The following DRC11 variants were observed in gnomAD, a reference collection of about 807,000 sequenced individuals.
DRC11 encodes the protein dynein regulatory complex subunit 11.
the DRC11 span, among the ~76,000 whole-genome samples, chr2:236,396,521 G>A: frequency 3.3e-5 from 5 of 152,068 alleles, no homozygotes; most frequent in African/African-American, 1.2e-4. Context: ...AGTCTTAATG[G>A]AAACAGATAT....
At chr2:236,441,005 T>C in the DRC11 span, 1 of 1,216,594 alleles carries the variant, frequency 8.2e-7, no homozygotes, top group South Asian at 1.3e-5. Context: ...TGTCATTTGA[T>C]ATATTTACAT....
chr2:236,331,567 C>T, the DRC11 span: 1 of 1,613,800 alleles, frequency 6.2e-7, no homozygotes. This position sits in a 1 kb window ranked among gnomAD's most constrained non-coding sequence, Gnocchi z 4.8. Flanking sequence ...GAGGACTCCT[C>T]CATTGCGTTC....
the DRC11 span, chr2:236,507,216 G>A: frequency 6.2e-7 from 1 of 1,610,726 alleles, no homozygotes; most frequent in Non-Finnish European, 8.5e-7. Context: ...CTGGCTTGGG[G>A]AAGCCCACTC....
At chr2:236,394,031 T>C in the DRC11 span, among the ~76,000 whole-genome samples, 6 of 151,976 alleles carry the variant, frequency 3.9e-5, no homozygotes, top group Non-Finnish European at 7.4e-5. This position sits in a 1 kb window ranked among gnomAD's most constrained non-coding sequence, Gnocchi z 7.0. Flanking sequence ...AATATTTATA[T>C]ATAAATAAAT....
chr2:236,396,261 G>A, the DRC11 span, among the ~76,000 whole-genome samples: 1 of 124,348 alleles, frequency 8.0e-6, no homozygotes, highest in Non-Finnish European at 1.6e-5. Flanking sequence ...GAAAAGCGAG[G>A]CCAAGGCAGT....
At chr2:236,444,492 C>G in the DRC11 span, among the ~76,000 whole-genome samples, 1 of 152,202 alleles carries the variant, frequency 6.6e-6, no homozygotes, top group Non-Finnish European at 1.5e-5. Flanking sequence ...TTGAAGGCCC[C>G]CAGGGGTCCT....
the DRC11 span, among the ~76,000 whole-genome samples, chr2:236,469,129 T>C: frequency 2.2e-4 from 33 of 152,242 alleles, no homozygotes; most frequent in Admixed American, 5.9e-4. This position sits in a 1 kb window ranked among gnomAD's most constrained non-coding sequence, Gnocchi z 5.8. Flanking sequence ...GATAGCCCCT[T>C]GGCATGGTTC....
the DRC11 span, among the ~76,000 whole-genome samples, chr2:236,349,220 A>G: frequency 6.6e-6 from 1 of 151,974 alleles, no homozygotes; most frequent in East Asian, 1.9e-4. The surrounding 1 kb of genome is among the most constrained non-coding windows in gnomAD (Gnocchi z 5.5). Context: ...CTGCCAAGGG[A>G]TGGAGCTGAA....
chr2:236,453,334 T>C, the DRC11 span, among the ~76,000 whole-genome samples: 3,130 of 152,342 alleles, frequency 0.021, 105 homozygotes, highest in African/African-American at 0.07. The surrounding 1 kb of genome is among the most constrained non-coding windows in gnomAD (Gnocchi z 4.9). Flanking sequence ...TCTGAAGATC[T>C]CCCAGCCTTA....
chr2:236,388,954 G>A, the DRC11 span, among the ~76,000 whole-genome samples: 1 of 152,170 alleles, frequency 6.6e-6, no homozygotes, highest in Non-Finnish European at 1.5e-5. Context: ...GCTGGGGGGT[G>A]CCTCCCAGTT....
chr2:236,499,703 T>G, the DRC11 span, among the ~76,000 whole-genome samples: 4 of 152,184 alleles, frequency 2.6e-5, no homozygotes, highest in Non-Finnish European at 4.4e-5. The surrounding 1 kb of genome is among the most constrained non-coding windows in gnomAD (Gnocchi z 4.7). Flanking sequence ...GTGTTGGGAT[T>G]ACAGACGTGA....
At chr2:236,442,884 AC>A in the DRC11 span, among the ~76,000 whole-genome samples, 5 of 152,228 alleles carry the variant, frequency 3.3e-5, no homozygotes, top group East Asian at 9.7e-4. Context: ...CATCTGATTC[AC>A]TTTTGAGGAA....
chr2:236,476,005 A>G, the DRC11 span, among the ~76,000 whole-genome samples: 1 of 152,030 alleles, frequency 6.6e-6, no homozygotes, highest in Non-Finnish European at 1.5e-5. The surrounding 1 kb of genome is among the most constrained non-coding windows in gnomAD (Gnocchi z 4.7). Flanking sequence ...CAGGTGGTGT[A>G]TGTAATACCT....
At chr2:236,405,935 T>C in the DRC11 span, among the ~76,000 whole-genome samples, 6 of 152,230 alleles carry the variant, frequency 3.9e-5, no homozygotes, top group Non-Finnish European at 8.8e-5. This position sits in a 1 kb window ranked among gnomAD's most constrained non-coding sequence, Gnocchi z 4.6. Context: ...TTCCATTTAA[T>C]ACTTATGGGT....
chr2:236,381,949 G>T, the DRC11 span, among the ~76,000 whole-genome samples: 1 of 151,562 alleles, frequency 6.6e-6, no homozygotes, highest in Non-Finnish European at 1.5e-5. The surrounding 1 kb of genome is among the most constrained non-coding windows in gnomAD (Gnocchi z 5.8). Context: ...CTCTTAACAG[G>T]GTCTTTCACA....
At chr2:236,365,403 G>T in the DRC11 span, among the ~76,000 whole-genome samples, 1 of 152,210 alleles carries the variant, frequency 6.6e-6, no homozygotes, top group East Asian at 1.9e-4. This position sits in a 1 kb window ranked among gnomAD's most constrained non-coding sequence, Gnocchi z 7.4. Flanking sequence ...TGCGGTGAGG[G>T]GGGTGTGTGG....
At chr2:236,349,535 G>C in the DRC11 span, among the ~76,000 whole-genome samples, 1 of 152,100 alleles carries the variant, frequency 6.6e-6, no homozygotes, top group African/African-American at 2.4e-5. This position sits in a 1 kb window ranked among gnomAD's most constrained non-coding sequence, Gnocchi z 5.5. Flanking sequence ...ACACTATGCC[G>C]CCATAAAAAA....
chr2:236,478,741 T>C, the DRC11 span, among the ~76,000 whole-genome samples: 3 of 152,126 alleles, frequency 2.0e-5, no homozygotes, highest in Non-Finnish European at 4.4e-5. The surrounding 1 kb of genome is among the most constrained non-coding windows in gnomAD (Gnocchi z 5.9). Flanking sequence ...ATATTTATAA[T>C]TATTATATTA....
the DRC11 span, among the ~76,000 whole-genome samples, chr2:236,320,840 C>G: frequency 6.6e-6 from 1 of 150,854 alleles, no homozygotes; most frequent in Non-Finnish European, 1.5e-5. Flanking sequence ...CGGTACCCCC[C>G]CGCCCCCCGC....
Sources: gnomAD v4.1 joint callset for allele counts (sites outside exome capture counted in the v4.1 genomes callset) on GRCh38, gnomAD v4.1.1 for gene constraint, Gnocchi (gnomAD v3.1) non-coding constraint, MANE v1.5 for transcripts, NCBI Gene and HGNC (gene_info 2026-07-23, HGNC 2026-07-21) for gene names.